Variants in PDE3B observed in about 807,000 individuals in gnomAD.
PDE3B encodes cGMP-inhibited 3',5'-cyclic phosphodiesterase 3B.
In PDE3B, 66 loss-of-function variants were observed where a neutral mutation model predicts 116.8. The ratio of observed to expected loss-of-function variants is 0.56; its 90% CI spans 0.46 to 0.69. PDE3B has a LOEUF of 0.69. Among genes scored for constraint, PDE3B ranks in the 30% least tolerant of loss-of-function variants. The pLI is 0.00. For missense variants in PDE3B, 1,384 were observed against 1,368.1 expected, an observed-to-expected ratio of 1.01 and a Z score of -0.18; for synonymous variants, 595 against 533.6, an observed-to-expected ratio of 1.12 and a Z score of -1.59.
chr11:14,698,028 G>A (rs1855261215), intron 1 of PDE3B, among the ~76,000 whole-genome samples: 1 of 151,574 alleles, frequency 6.6e-6, no homozygotes, highest in South Asian at 2.1e-4. Flanking sequence ...GTATAATGTT[G>A]AATAGAAGTG....
intron 5 of PDE3B, among the ~76,000 whole-genome samples, chr11:14,813,894 A>G (rs952603481): frequency 2.6e-5 from 4 of 152,230 alleles, no homozygotes; most frequent in African/African-American, 9.6e-5. Flanking sequence ...ATTGAGTAAT[A>G]TATTAAAATG....
At chr11:14,701,763 ACT>A (rs1217264698) in intron 1 of PDE3B, among the ~76,000 whole-genome samples, 1 of 151,534 alleles carries the variant, frequency 6.6e-6, no homozygotes, top group East Asian at 1.9e-4. Context: ...TTATGGAAAT[ACT>A]GTTTATTTGT....
chr11:14,891,794 AG>A, the PDE3B span: 1 of 1,403,908 alleles, frequency 7.1e-7, no homozygotes, highest in South Asian at 1.6e-5. Flanking sequence ...TCCCCCTGCA[AG>A]GGGGCACGGC....
downstream of PDE3B, among the ~76,000 whole-genome samples, chr11:14,873,089 C>T (rs1848159378): frequency 6.6e-6 from 1 of 152,140 alleles, no homozygotes; most frequent in South Asian, 2.1e-4. Flanking sequence ...CTAGTTTTTC[C>T]TCAAAACAGG....
chr11:14,724,743 C>T (rs1856231089), intron 1 of PDE3B, among the ~76,000 whole-genome samples: 1 of 152,016 alleles, frequency 6.6e-6, no homozygotes, highest in Non-Finnish European at 1.5e-5. Context: ...GTTAAGAATG[C>T]CTTGTGAGAG....
At chr11:14,731,460 G>A (rs985778288) in intron 1 of PDE3B, among the ~76,000 whole-genome samples, 12 of 151,804 alleles carry the variant, frequency 7.9e-5, no homozygotes, top group African/African-American at 1.4e-4. Flanking sequence ...GGGTTTCATC[G>A]TGTTAGCCAG....
At chr11:14,715,209 T>G (rs1014769777) in intron 1 of PDE3B, among the ~76,000 whole-genome samples, 3 of 152,058 alleles carry the variant, frequency 2.0e-5, no homozygotes, top group South Asian at 2.1e-4. Flanking sequence ...CTCCAGCTTT[T>G]TTCTTTTGGC....
chr11:14,863,392 A>G (rs1452856406), intron 14 of PDE3B, among the ~76,000 whole-genome samples: 1 of 152,180 alleles, frequency 6.6e-6, no homozygotes, highest in Non-Finnish European at 1.5e-5. Flanking sequence ...TCCAACTGGC[A>G]TAAGAGGTTA....
chr11:14,860,543 T>C (rs1847929937), intron 13 of PDE3B, among the ~76,000 whole-genome samples: 1 of 152,164 alleles, frequency 6.6e-6, no homozygotes, highest in South Asian at 2.1e-4. Context: ...ATATTTAACA[T>C]TTTCCGTGAA....
At position 14,844,536 on chromosome 11, in the gene PDE3B, T is replaced by C. The variant is rs577244687; in HGVS notation, c.2520+510T>C. Among the ~76,000 whole-genome samples, 3 of 152,318 alleles carry C rather than the reference T, an allele frequency of 2.0e-5. No homozygotes were observed. In the South Asian group the frequency reaches 6.2e-4, roughly 32 times the overall value. On this transcript the variant is annotated intron_variant, in intron 12 of 15. Transcript: ENST00000282096. ...CGCGAGCCGAAGCAGGGCGAGGCAT[T>C]GCCTCACTCGGGAAGCACAAGGGGT...
intron 13 of PDE3B, among the ~76,000 whole-genome samples, chr11:14,860,923 A>G (rs1276506244): frequency 4.8e-5 from 2 of 41,842 alleles, no homozygotes; most frequent in East Asian, 8.5e-4. Context: ...ATATATATAC[A>G]CACACACACA....
At chr11:14,802,802 G>T (rs1186565281) in intron 4 of PDE3B, among the ~76,000 whole-genome samples, 7 of 152,034 alleles carry the variant, frequency 4.6e-5, no homozygotes, top group African/African-American at 1.7e-4. Context: ...AAGGAAATAG[G>T]GTCAGTGCTT....
At chr11:14,788,666 C>T (rs1004562580) in intron 3 of PDE3B, among the ~76,000 whole-genome samples, 3 of 151,872 alleles carry the variant, frequency 2.0e-5, no homozygotes, top group African/African-American at 7.2e-5. Context: ...ACCCAGAATC[C>T]TGCAGTTTCT....
At chr11:14,895,662 G>A in the PDE3B span, among the ~76,000 whole-genome samples, 1 of 152,150 alleles carries the variant, frequency 6.6e-6, no homozygotes, top group African/African-American at 2.4e-5. Flanking sequence ...GGTGAGATTA[G>A]GAACCTTATG....
chr11:14,888,199 A>T, the PDE3B span, among the ~76,000 whole-genome samples: 15,449 of 152,144 alleles, frequency 0.1, 1,011 homozygotes, highest in African/African-American at 0.18. Flanking sequence ...CTTTGAATAT[A>T]TTATATAATT....
chr11:14,673,054 A>C (rs1854421464), intron 1 of PDE3B, among the ~76,000 whole-genome samples: 1 of 152,100 alleles, frequency 6.6e-6, no homozygotes, highest in Non-Finnish European at 1.5e-5. Flanking sequence ...ATTAGACACA[A>C]ATACAAAAAC....
chr11:14,767,453 C>T lies in PDE3B; in HGVS notation c.979-4484C>T, dbSNP rs562967533. 9.9e-5 allele frequency among the ~76,000 whole-genome samples: 15 copies of T among 151,428 alleles called. No homozygotes were observed. In the East Asian group the frequency reaches 2.5e-3, roughly 25 times the overall value. Reference sequence around the variant, plus strand: ...CTTGATTTAGGTTCAACATTTATTCCGAGCTATTTATGTTACCCTATTTTT... The same window carrying T: ...CTTGATTTAGGTTCAACATTTATTCTGAGCTATTTATGTTACCCTATTTTT... On this transcript the variant is annotated intron_variant, in intron 1 of 15. Transcript: ENST00000282096.
chr11:14,700,462 C>T (rs2133816780), intron 1 of PDE3B, among the ~76,000 whole-genome samples: 1 of 151,854 alleles, frequency 6.6e-6, no homozygotes, highest in South Asian at 2.1e-4. Flanking sequence ...TACTTATGAA[C>T]TGACAACTGT....
chr11:14,703,274 C>G (rs2133819770), intron 1 of PDE3B, among the ~76,000 whole-genome samples: 1 of 151,856 alleles, frequency 6.6e-6, no homozygotes, highest in African/African-American at 2.4e-5. Flanking sequence ...GCAGTTTTCC[C>G]TGATCTGCAA....
Sources: allele counts gnomAD v4.1 joint callset (sites outside exome capture counted in the v4.1 genomes callset), GRCh38; gene constraint gnomAD v4.1.1; transcripts MANE v1.5; gene names NCBI Gene and HGNC (gene_info 2026-07-23, HGNC 2026-07-21).